Variants in NTRK2 observed in about 807,000 individuals in gnomAD.
The protein encoded by NTRK2 is BDNF/NT-3 growth factors receptor.
A neutral mutation model predicts 94.5 loss-of-function variants in NTRK2; 13 were observed. The ratio of observed to expected loss-of-function variants is 0.14; its 90% CI spans 0.09 to 0.22. The LOEUF (loss-of-function observed/expected upper bound fraction) is 0.22. Among genes scored for constraint, NTRK2 ranks in the 10% least tolerant of loss-of-function variants. The probability of loss-of-function intolerance (pLI) is 1.00; values close to 1 mark genes in which losing one functional copy is unlikely to be tolerated. For missense variants in NTRK2, 639 were observed against 1,071.2 expected (o/e 0.60, Z 5.63); for synonymous variants, 372 against 407.4 (o/e 0.91, Z 1.05).
chr9:84,970,748 C>A (rs1405605591), intron 17 of NTRK2, among the ~76,000 whole-genome samples: 1 of 152,234 alleles, frequency 6.6e-6, no homozygotes, highest in Non-Finnish European at 1.5e-5. Flanking sequence ...TCCTATCCAG[C>A]AACTTCACTT....
At chr9:84,836,438 A>G (rs2073877086) in intron 12 of NTRK2, among the ~76,000 whole-genome samples, 1 of 151,678 alleles carries the variant, frequency 6.6e-6, no homozygotes, top group Non-Finnish European at 1.5e-5. Context: ...ATGGGCAAGA[A>G]CCCACCAGGT....
At chr9:84,940,011 G>C (rs868571482) in intron 15 of NTRK2, among the ~76,000 whole-genome samples, 5 of 152,118 alleles carry the variant, frequency 3.3e-5, no homozygotes, top group Non-Finnish European at 7.4e-5. Context: ...AAATCCAAGG[G>C]ATGACTCCTA....
chr9:84,883,748 A>G (rs1564430104), intron 14 of NTRK2, among the ~76,000 whole-genome samples: 1 of 152,212 alleles, frequency 6.6e-6, no homozygotes, highest in African/African-American at 2.4e-5. Context: ...CAATTTTTTT[A>G]ATCTATATAA....
chr9:84,960,973 A>G (rs1824848687), intron 17 of NTRK2, among the ~76,000 whole-genome samples: 1 of 152,118 alleles, frequency 6.6e-6, no homozygotes, highest in South Asian at 2.1e-4. Context: ...TAAATAAGGT[A>G]CTCAGATTTG....
chr9:84,829,842 G>A (rs1446283690), intron 12 of NTRK2, among the ~76,000 whole-genome samples: 6 of 152,204 alleles, frequency 3.9e-5, no homozygotes, highest in Non-Finnish European at 2.9e-5. Flanking sequence ...CTCCTGGACT[G>A]CTGCTGCCTT....
chr9:84,893,573 C>T (rs1020827470), intron 14 of NTRK2, among the ~76,000 whole-genome samples: 4 of 152,182 alleles, frequency 2.6e-5, no homozygotes, highest in South Asian at 4.1e-4. Flanking sequence ...TAGGAAGAGC[C>T]GGCACACCCA....
intron 8 of NTRK2, among the ~76,000 whole-genome samples, chr9:84,724,937 T>C (rs543773902): frequency 7.2e-5 from 11 of 152,332 alleles, no homozygotes; most frequent in African/African-American, 2.6e-4. Flanking sequence ...TTCAAAGATA[T>C]CCCTCTTTTT....
At chr9:84,791,726 T>C (rs1011242046) in intron 12 of NTRK2, among the ~76,000 whole-genome samples, 4 of 152,264 alleles carry the variant, frequency 2.6e-5, no homozygotes, top group Non-Finnish European at 5.9e-5. Context: ...TTGGATTTTA[T>C]GGTCCTATGT....
chr9:84,959,727 T>G (rs923678354), intron 17 of NTRK2, among the ~76,000 whole-genome samples: 1 of 152,216 alleles, frequency 6.6e-6, no homozygotes, highest in African/African-American at 2.4e-5. Context: ...CAGTCTTTTG[T>G]TTTTTTGTTT....
chr9:84,801,578 C>A (rs1273757734), intron 12 of NTRK2, among the ~76,000 whole-genome samples: 1 of 152,142 alleles, frequency 6.6e-6, no homozygotes, highest in African/African-American at 2.4e-5. Flanking sequence ...ACAACTGAGA[C>A]CCTACAAGGT....
intron 18 of NTRK2, 25 bp downstream of exon 18, chr9:85,020,389 C>T (rs754357806): frequency 1.3e-5 from 21 of 1,613,574 alleles, no homozygotes; most frequent in South Asian, 2.2e-5. Context: ...TGGCCAAGAC[C>T]CTCCAGAGGG....
chr9:84,783,055 A>G (rs2067754842), intron 12 of NTRK2, among the ~76,000 whole-genome samples: 1 of 152,186 alleles, frequency 6.6e-6, no homozygotes, highest in South Asian at 2.1e-4. Context: ...TTGATAAGAA[A>G]TAGGCTGTTC....
At chr9:84,834,840 A>G (rs1231629204) in intron 12 of NTRK2, among the ~76,000 whole-genome samples, 1 of 152,134 alleles carries the variant, frequency 6.6e-6, no homozygotes, top group Non-Finnish European at 1.5e-5. Flanking sequence ...TGTTGTCAAG[A>G]TTTTGAAATT....
intron 2 of NTRK2, among the ~76,000 whole-genome samples, chr9:84,687,835 C>A (rs767865186): frequency 6.6e-6 from 1 of 152,240 alleles, no homozygotes; most frequent in Admixed American, 6.5e-5. Flanking sequence ...ACCATTTATA[C>A]CTTTTATATG....
At chr9:84,720,434 T>C (rs1400064657) in intron 6 of NTRK2, among the ~76,000 whole-genome samples, 1 of 152,216 alleles carries the variant, frequency 6.6e-6, no homozygotes, top group Non-Finnish European at 1.5e-5. Context: ...AAGCAGGAAA[T>C]TGGAAGAGCA....
chr9:84,858,660 CT>C (rs1302208843), intron 12 of NTRK2, among the ~76,000 whole-genome samples: 1 of 152,082 alleles, frequency 6.6e-6, no homozygotes, highest in Admixed American at 6.6e-5. Flanking sequence ...CCTGGACTGA[CT>C]TCTTGGATGG....
At chr9:84,982,525 T>C (rs1451563030) in intron 17 of NTRK2, among the ~76,000 whole-genome samples, 1 of 152,190 alleles carries the variant, frequency 6.6e-6, no homozygotes, top group Non-Finnish European at 1.5e-5. Context: ...GCCTCTCTCT[T>C]CTATATGCCA....
intron 17 of NTRK2, among the ~76,000 whole-genome samples, chr9:84,989,277 A>T (rs911014293): frequency 6.6e-6 from 1 of 152,178 alleles, no homozygotes; most frequent in African/African-American, 2.4e-5. Context: ...TTATATTCTC[A>T]GTTGTCACCA....
At chr9:84,976,273 C>G (rs924975184) in intron 17 of NTRK2, among the ~76,000 whole-genome samples, 1 of 152,162 alleles carries the variant, frequency 6.6e-6, no homozygotes, top group African/African-American at 2.4e-5. Context: ...CGGCCACCTT[C>G]TTGCTGTGTC....
Sources: gnomAD v4.1 joint callset for allele counts (sites outside exome capture counted in the v4.1 genomes callset) on GRCh38, gnomAD v4.1.1 for gene constraint, MANE v1.5 for transcripts, NCBI Gene and HGNC (gene_info 2026-07-23, HGNC 2026-07-21) for gene names.